CATSPERE: variants seen among roughly 807,000 people sequenced by gnomAD.
The protein encoded by CATSPERE is cation channel sperm-associated auxiliary subunit epsilon.
In CATSPERE, 93 loss-of-function variants were observed where a neutral mutation model predicts 114.1. The observed-to-expected ratio is 0.81, with a 90% CI of 0.69 to 0.97. The LOEUF (loss-of-function observed/expected upper bound fraction) is 0.97, where lower values mean the gene tolerates loss of function less well. Ranked by LOEUF, CATSPERE falls within the 50% of genes least tolerant of loss-of-function variation. The probability of loss-of-function intolerance (pLI) is 0.00; values close to 1 mark genes in which losing one functional copy is unlikely to be tolerated. For synonymous variants in CATSPERE, 341 were observed against 384.1 expected, an observed-to-expected ratio of 0.89 and a Z score of 1.31; for missense variants, 1,058 against 1,131.6, an observed-to-expected ratio of 0.93 and a Z score of 0.93.
intron 8 of CATSPERE, among the ~76,000 whole-genome samples, chr1:244,529,507 G>T (rs1011166483): frequency 2.0e-5 from 3 of 151,732 alleles, no homozygotes; most frequent in Non-Finnish European, 4.4e-5. Context: ...ATTTTTATTT[G>T]GATTATTATA....
At chr1:244,530,324 C>T (rs1290156505) in intron 8 of CATSPERE, among the ~76,000 whole-genome samples, 2 of 152,142 alleles carry the variant, frequency 1.3e-5, no homozygotes, top group Admixed American at 1.3e-4. Context: ...AATGAGTTCA[C>T]TGTAGATGTA....
chr1:244,460,710 T>TG (rs1666610044), upstream of CATSPERE, among the ~76,000 whole-genome samples: 1 of 152,190 alleles, frequency 6.6e-6, no homozygotes, highest in Non-Finnish European at 1.5e-5. Context: ...GGTCAGGAGT[T>TG]GGAGACCAGC....
At chr1:244,475,077 A>G (rs1370410425) in intron 2 of CATSPERE, among the ~76,000 whole-genome samples, 1 of 152,042 alleles carries the variant, frequency 6.6e-6, no homozygotes, top group African/African-American at 2.4e-5. Flanking sequence ...TTAAAACTAC[A>G]TCCCCAAAGC....
Position 244,552,799 on chromosome 1 carries a change from C to T in CATSPERE, c.1014C>T (p.Val338=). 1 of 1,559,390 alleles carries T rather than the reference C, an allele frequency of 6.4e-7. No individual in the cohort carries two copies. Among genetic ancestry groups the T allele is most frequent in the African/African-American group, 1.4e-5 (1 of 72,452 alleles). ...TTTCATCAAGAAAATGGTGTTGGGTCAATTATTTATTAAAGGTTAGTAAAA... is the reference window on the plus strand; with the variant it reads ...TTTCATCAAGAAAATGGTGTTGGGTTAATTATTTATTAAAGGTTAGTAAAA... The part of the protein sequence containing the change: ...TGISSRKWCW[V]NYLLKAKGRR... The change falls in exon 9 of 22, where the codon GTC becomes GTT. Residue 338 remains valine (V), a synonymous_variant. Coordinates refer to ENST00000366534, the MANE Select transcript of CATSPERE (RefSeq NM_001130957.2).
At chr1:244,552,195 A>G in intron 8 of CATSPERE, 127 bp from the exon 9 acceptor site, 2 of 1,174,986 alleles carry the variant, frequency 1.7e-6, no homozygotes, top group Non-Finnish European at 2.3e-6. Flanking sequence ...GCATTTTAAT[A>G]TTATTTGTCT....
At chr1:244,465,820 T>A (rs559965512) in intron 2 of CATSPERE, among the ~76,000 whole-genome samples, 64 of 152,356 alleles carry the variant, frequency 4.2e-4, no homozygotes, top group South Asian at 8.3e-4. Flanking sequence ...TCATAGTAAC[T>A]GGTATCATTA....
At chr1:244,577,002 C>T (rs545364380) in intron 11 of CATSPERE, among the ~76,000 whole-genome samples, 3 of 152,206 alleles carry the variant, frequency 2.0e-5, no homozygotes, top group African/African-American at 7.2e-5. Flanking sequence ...AGTTCTTCAT[C>T]TCCTTTCTTA....
In CATSPERE at chr1:244,502,521, A is replaced by T. The variant is rs183067656; in HGVS notation, c.429+3442A>T. Reference sequence around the variant, plus strand: ...CCTGTGTATATTCTTTTTAACTGGCAACTCTCTTCAGTTGCCAGTTAGCAG... The same window carrying T: ...CCTGTGTATATTCTTTTTAACTGGCTACTCTCTTCAGTTGCCAGTTAGCAG... On this transcript the variant is annotated intron_variant, in intron 7 of 21. Coordinates refer to ENST00000366534, the MANE Select transcript of CATSPERE (RefSeq NM_001130957.2). 9.9e-5 allele frequency among the ~76,000 whole-genome samples: 15 copies of T among 152,240 alleles called. No individual in the cohort carries two copies. The East Asian group carries it at 2.9e-3, about 29-fold the overall frequency.
chr1:244,479,802 G>C lies in CATSPERE; in HGVS notation c.326+18G>C. 1 of 1,383,232 alleles carries C rather than the reference G, an allele frequency of 7.2e-7. No homozygotes were observed. The highest frequency in any genetic ancestry group is 1.0e-6 in the Non-Finnish European group (1 of 1,000,678). 85.7% of individuals were successfully genotyped at this position (1,383,232 alleles called of 1,614,324 possible). On this transcript the variant is annotated intron_variant, in intron 5 of 21. Transcript: ENST00000366534. ...AGAGTTAGGTAAGTAATGCAGTACT[G>C]AATAGGTAATTATGCTTTTAAAGAG...
chr1:244,611,896 T>C (rs1486802657), intron 19 of CATSPERE, among the ~76,000 whole-genome samples: 1 of 152,200 alleles, frequency 6.6e-6, no homozygotes, highest in Non-Finnish European at 1.5e-5. Context: ...TCTCAAACTT[T>C]AGCATACATC....
At chr1:244,614,108 T>C (rs1671077047) in intron 19 of CATSPERE, among the ~76,000 whole-genome samples, 1 of 152,162 alleles carries the variant, frequency 6.6e-6, no homozygotes. Flanking sequence ...TCAGCCTCCT[T>C]GGAAAGGAAT....
At chr1:244,531,118 C>T (rs954208930) in intron 8 of CATSPERE, among the ~76,000 whole-genome samples, 1 of 151,780 alleles carries the variant, frequency 6.6e-6, no homozygotes, top group Non-Finnish European at 1.5e-5. Context: ...TGCCTGTCAT[C>T]CCAGCTACTC....
chr1:244,633,945 A>G lies in CATSPERE; in HGVS notation c.2649-1544A>G, dbSNP rs1573120768. Among the ~76,000 whole-genome samples, 3 of 151,432 alleles carry G rather than the reference A, an allele frequency of 2.0e-5. No individual in the cohort carries two copies. In the South Asian group the frequency reaches 6.3e-4, roughly 32 times the overall value. On this transcript the variant is annotated intron_variant, in intron 20 of 21. Transcript: ENST00000366534. This position sits in a 1 kb window ranked among gnomAD's most constrained non-coding sequence, Gnocchi z 4.1. ...AGTGGTGCGATCTCCGCTCACTGCA[A>G]CCTACGCCTCCCGGTTCAAGCAATT...
At chr1:244,533,335 G>A (rs1679906628) in intron 8 of CATSPERE, among the ~76,000 whole-genome samples, 1 of 152,048 alleles carries the variant, frequency 6.6e-6, no homozygotes, top group South Asian at 2.1e-4. Flanking sequence ...TTTGATTGGA[G>A]AGTTTAGTCC....
At chr1:244,564,871 A>G (rs776994116) in intron 10 of CATSPERE, among the ~76,000 whole-genome samples, 1 of 152,146 alleles carries the variant, frequency 6.6e-6, no homozygotes, top group African/African-American at 2.4e-5. Context: ...TCAGTATGAT[A>G]TTGGCTGTGG....
intron 8 of CATSPERE, among the ~76,000 whole-genome samples, chr1:244,551,764 T>C (rs945923800): frequency 6.6e-6 from 1 of 151,992 alleles, no homozygotes; most frequent in African/African-American, 2.4e-5. Flanking sequence ...AGAAAGAGCA[T>C]ATAAGAATGT....
chr1:244,560,411 G>C (rs1293550258), intron 9 of CATSPERE, among the ~76,000 whole-genome samples: 1 of 151,352 alleles, frequency 6.6e-6, no homozygotes, highest in African/African-American at 2.4e-5. Flanking sequence ...GCGGGGGTGG[G>C]GGGGCAGGAT....
intron 5 of CATSPERE, among the ~76,000 whole-genome samples, 170 bp from the exon 6 acceptor site, chr1:244,490,277 A>G (rs537008852): frequency 6.6e-6 from 1 of 152,368 alleles, no homozygotes; most frequent in South Asian, 2.1e-4. Context: ...ATTGATAAAT[A>G]AATAGACATG....
At chr1:244,543,637 A>AATATAT (rs67320193) in intron 8 of CATSPERE, among the ~76,000 whole-genome samples, 2 of 145,662 alleles carry the variant, frequency 1.4e-5, no homozygotes, top group South Asian at 2.1e-4. Flanking sequence ...TTTTATTTTA[A>AATATAT]ATATATATAT....
Sources: gnomAD v4.1 joint callset for allele counts (sites outside exome capture counted in the v4.1 genomes callset) on GRCh38, gnomAD v4.1.1 for gene constraint, Gnocchi (gnomAD v3.1) non-coding constraint, MANE v1.5 for transcripts, NCBI Gene and HGNC (gene_info 2026-07-23, HGNC 2026-07-21) for gene names.